The following LYPD8 variants were observed in gnomAD, a reference collection of about 807,000 sequenced individuals.
The protein encoded by LYPD8 is LY6/PLAUR domain containing 8, also known as ly6/PLAUR domain-containing protein 8.
A neutral mutation model predicts 1.7 loss-of-function variants in LYPD8; 8 were observed. That is an observed-to-expected ratio of 4.58 (90% CI 2.69 to 8.27). LYPD8 has a LOEUF of 8.27. LYPD8 is among the 30% of genes most tolerant of loss of function. The pLI, the probability that LYPD8 is intolerant of heterozygous loss-of-function variation, is 0.00. For missense variants in LYPD8, 112 were observed against 102.3 expected (o/e 1.09, Z -0.41); for synonymous variants, 50 against 43.6 (o/e 1.15, Z -0.58).
rs1210293516 is a variant in LYPD8 at position 248,739,733 on chromosome 1, A to C, written c.592T>G (p.Cys198Gly). ...GGGGTTAAGCTGTTTACATTTGCAC[A>C]CTCAAACTTTCGAAAGATGACTCCT... ...LGGVIFRKFE[C>G]ANVNSLTPTS... is the part of the protein sequence containing the mutation. The change falls in exon 7 of 7, where the codon TGT becomes GGT. Residue 198 changes from cysteine (C) to glycine (G), a missense_variant. Cys to Gly is a radical substitution (Grantham distance 159). Coordinates refer to ENST00000590317, the MANE Select transcript of LYPD8 (RefSeq NM_001085474.2). The surrounding 1 kb of genome is among the most constrained non-coding windows in gnomAD (Gnocchi z 4.3). 1.9e-6 allele frequency: 3 copies of C among 1,551,304 alleles called. No homozygotes were observed. Among genetic ancestry groups the C allele is most frequent in the African/African-American group, 2.7e-5 (2 of 73,012 alleles).
At chr1:248,755,172 G>T (rs1456244348) in intron 2 of LYPD8, 67 bp downstream of exon 2, 1 of 152,252 alleles carries the variant, frequency 6.6e-6, no homozygotes, top group Non-Finnish European at 1.5e-5. Flanking sequence ...CAGGACCCAG[G>T]GCCGTGCTCA....
intron 6 of LYPD8, among the ~76,000 whole-genome samples, chr1:248,740,860 G>C (rs531736341): frequency 2.7e-5 from 4 of 150,724 alleles, no homozygotes; most frequent in Non-Finnish European, 2.9e-5. Flanking sequence ...AGGACCAGGT[G>C]TCTCACGCCT....
intron 6 of LYPD8, among the ~76,000 whole-genome samples, chr1:248,740,241 AG>A (rs1382982269): frequency 6.6e-6 from 1 of 152,204 alleles, no homozygotes; most frequent in African/African-American, 2.4e-5. Context: ...CAGTTCAGGA[AG>A]GGGCCAGCAC....
chr1:248,743,423 C>T (rs1324318377), intron 6 of LYPD8, among the ~76,000 whole-genome samples: 1 of 152,108 alleles, frequency 6.6e-6, no homozygotes, highest in African/African-American at 2.4e-5. Flanking sequence ...TGAGATCGCA[C>T]CACTGCACTC....
chr1:248,745,905 T>C (rs1662720361), intron 5 of LYPD8, among the ~76,000 whole-genome samples: 1 of 152,256 alleles, frequency 6.6e-6, no homozygotes, highest in Non-Finnish European at 1.5e-5. Flanking sequence ...AAATATTATT[T>C]ACTTATTTCA....
At chr1:248,741,237 C>T (rs1315581367) in intron 6 of LYPD8, among the ~76,000 whole-genome samples, 4 of 152,222 alleles carry the variant, frequency 2.6e-5, no homozygotes, top group African/African-American at 7.2e-5. Context: ...GATGGAGTCT[C>T]GCTCTGTCAT....
At chr1:248,746,615 C>A (rs1482240354) in intron 5 of LYPD8, among the ~76,000 whole-genome samples, 1 of 144,834 alleles carries the variant, frequency 6.9e-6, no homozygotes, top group Non-Finnish European at 1.5e-5. Flanking sequence ...CCCAGGGCAT[C>A]CCCCGCACGG....
Position 248,751,143 on chromosome 1 carries a change from A to G in LYPD8, c.-49-13T>C, listed in dbSNP as rs2103171617. Reference sequence around the variant, plus strand: ...CAGGGCCTCAAGCCTGAAAAGACACAAAGAAGGCAGCCCCGGGGCCTTGGA... The same window carrying G: ...CAGGGCCTCAAGCCTGAAAAGACACGAAGAAGGCAGCCCCGGGGCCTTGGA... On this transcript the variant is annotated splice_polypyrimidine_tract_variant and intron_variant, in intron 2 of 6. Transcript: ENST00000590317. 2.5e-6 allele frequency: 1 copy of G among 398,576 alleles called. No individual in the cohort carries two copies. The highest frequency in any genetic ancestry group is 3.6e-5 in the East Asian group (1 of 28,074). The allele number at this position is 398,576 out of a possible 1,614,324, so 24.7% of individuals were successfully genotyped here.
chr1:248,746,322 A>G (rs1572154613), intron 5 of LYPD8, among the ~76,000 whole-genome samples: 1 of 152,210 alleles, frequency 6.6e-6, no homozygotes, highest in Non-Finnish European at 1.5e-5. Context: ...CCGGAACTAA[A>G]GTCCCTCTCG....
At chr1:248,753,721 TCACAC>T (rs1662876270) in intron 2 of LYPD8, among the ~76,000 whole-genome samples, 1 of 70,340 alleles carries the variant, frequency 1.4e-5, no homozygotes, top group African/African-American at 5.8e-5. Flanking sequence ...CACACACGCA[TCACAC>T]CACACACACC....
intron 5 of LYPD8, 33 bp from the exon 6 acceptor site, chr1:248,745,312 G>C: frequency 2.5e-6 from 1 of 398,460 alleles, no homozygotes; most frequent in Non-Finnish European, 4.4e-6. Context: ...TCAGGACAGT[G>C]TTATCATACA....
At chr1:248,750,699 T>C in intron 3 of LYPD8, 56 bp from the exon 4 acceptor site, 1 of 398,474 alleles carries the variant, frequency 2.5e-6, no homozygotes, top group East Asian at 3.6e-5. Flanking sequence ...TTATAGAGCA[T>C]ACTCTACTCT....
rs1030866870 is a variant in LYPD8 at position 248,754,369 on chromosome 1, C to T, written c.-50+870G>A. Among the ~76,000 whole-genome samples, 28 of 151,270 alleles carry T rather than the reference C, an allele frequency of 1.9e-4. No homozygotes were observed. In the East Asian group the frequency reaches 4.3e-3, roughly 23 times the overall value. On this transcript the variant is annotated intron_variant, in intron 2 of 6. Transcript: ENST00000590317. ...CGCACCACACCACATACCACACACACGACACATCACATGCCACACATCACC... is the reference window on the plus strand; with the variant it reads ...CGCACCACACCACATACCACACACATGACACATCACATGCCACACATCACC...
In LYPD8 at chr1:248,748,377, G is replaced by T; in HGVS notation, c.249C>A (p.Phe83Leu). The T allele has an allele frequency of 2.2e-6, 1 of 450,872 alleles. No homozygotes were observed. The highest frequency in any genetic ancestry group is 5.3e-5 in the South Asian group (1 of 19,030). 27.9% of individuals were successfully genotyped at this position (450,872 alleles called of 1,614,324 possible). A position where few individuals can be genotyped will look rare whatever the true frequency, so the allele number is the denominator to read the frequency against. ...GTTCTTCAGCAGACACGTGGACAGT[G>T]AAGGCTGTAATGTGTGTCTCCTCAC... ...NCSEETHITA[F>L]TVHVSAEEHF... is the part of the protein sequence containing the mutation. Residue 83 changes from phenylalanine to leucine, a missense_variant, in exon 5 of 7, where the codon TTC (phenylalanine) becomes TTA (leucine). By Grantham distance (22) the Phe-to-Leu change is conservative (BLOSUM62 0). Coordinates refer to ENST00000590317, the MANE Select transcript of LYPD8 (RefSeq NM_001085474.2).
In LYPD8 at chr1:248,748,402, C is replaced by G. The variant is rs1016315258; in HGVS notation, c.224G>C (p.Ser75Thr). 32 of 431,078 alleles carry G rather than the reference C, an allele frequency of 7.4e-5. No homozygotes were observed. The highest frequency in any genetic ancestry group is 1.2e-4 in the Non-Finnish European group (29 of 246,852). The allele number at this position is 431,078 out of a possible 1,614,324, so 26.7% of individuals were successfully genotyped here. ...GAAGGCTGTAATGTGTGTCTCCTCA[C>G]TGCAGTTCTCCGCTGAGCAGAACAT... ...QNMFCSAENC[S>T]EETHITAFTV... The change falls in exon 5 of 7, where the codon AGT (serine) becomes ACT (threonine). Residue 75 changes from serine to threonine, a missense_variant. Coordinates refer to ENST00000590317, the MANE Select transcript of LYPD8 (RefSeq NM_001085474.2).
chr1:248,746,643 C>A (rs1357340413), intron 5 of LYPD8, among the ~76,000 whole-genome samples: 1 of 110,924 alleles, frequency 9.0e-6, no homozygotes, highest in Non-Finnish European at 1.9e-5. Context: ...CCACCCAGGG[C>A]ATCGCCCGCA....
In LYPD8 at chr1:248,744,414, C is replaced by T. The variant is rs944163748; in HGVS notation, c.475+728G>A. Among the ~76,000 whole-genome samples, 6 of 152,372 alleles carry T rather than the reference C, an allele frequency of 3.9e-5. No individual in the cohort carries two copies. In the East Asian group the frequency reaches 1.2e-3, roughly 29 times the overall value. ...CACTGGTATTGTTAACAGCAATTAA[C>T]TTACCTTAACTAATAAATGTATTAA... is the stretch of plus-strand genomic sequence containing the variant. On this transcript the variant is annotated intron_variant, in intron 6 of 6. Transcript: ENST00000590317.
rs1553283017 is a variant in LYPD8 at position 248,739,598 on chromosome 1, C to T, written c.*13G>A. On this transcript the variant is annotated 3_prime_UTR_variant, in exon 7 of 7. Transcript: ENST00000590317. This position sits in a 1 kb window ranked among gnomAD's most constrained non-coding sequence, Gnocchi z 4.3. ...CAGAAATGGGGTGCTGGGCAAAGTGCAGCCCCAGGACCTCAGGGCAGCAGT... is the reference window on the plus strand; with the variant it reads ...CAGAAATGGGGTGCTGGGCAAAGTGTAGCCCCAGGACCTCAGGGCAGCAGT... 1.9e-6 allele frequency: 3 copies of T among 1,550,710 alleles called. No homozygotes were observed. In the East Asian group the frequency reaches 7.3e-5, roughly 38 times the overall value.
intron 4 of LYPD8, among the ~76,000 whole-genome samples, chr1:248,749,679 T>A (rs1662764274): frequency 6.6e-6 from 1 of 152,164 alleles, no homozygotes; most frequent in Admixed American, 6.5e-5. Flanking sequence ...GCCTAATCAC[T>A]TCTGAATGGT....
Sources: gnomAD v4.1 joint callset for allele counts (sites outside exome capture counted in the v4.1 genomes callset) on GRCh38, gnomAD v4.1.1 for gene constraint, Gnocchi (gnomAD v3.1) non-coding constraint, MANE v1.5 for transcripts, NCBI Gene and HGNC (gene_info 2026-07-23, HGNC 2026-07-21) for gene names.